The following ATP2B2 variants were observed in gnomAD, a reference collection of about 807,000 sequenced individuals.
ATP2B2 encodes the protein plasma membrane calcium-transporting ATPase 2.
In ATP2B2, 15 loss-of-function variants were observed where a neutral mutation model predicts 120.0. The observed-to-expected ratio is 0.12, with a 90% CI of 0.08 to 0.19. The LOEUF is 0.19. Among genes scored for constraint, ATP2B2 ranks in the 10% least tolerant of loss-of-function variants. The probability of loss-of-function intolerance (pLI) is 1.00; values close to 1 mark genes in which losing one functional copy is unlikely to be tolerated. For missense variants in ATP2B2, 1,045 were observed against 1,719.8 expected (o/e 0.61, Z 6.94); for synonymous variants, 694 against 700.3 (o/e 0.99, Z 0.14).
rs1174791624 is a variant in ATP2B2 at position 10,328,588 on chromosome 3, C to A, written c.*226G>T. 1.7e-6 allele frequency: 1 copy of A among 581,280 alleles called. No individual in the cohort carries two copies. The highest frequency in any genetic ancestry group is 1.9e-5 in the African/African-American group (1 of 53,274). 36.0% of individuals were successfully genotyped at this position (581,280 alleles called of 1,614,324 possible). On this transcript the variant is annotated 3_prime_UTR_variant, in exon 23 of 23. Transcript: ENST00000360273. ...GGAAAACCGCTCACTCCCGTAAGCC[C>A]CCAGTGGAGATCCCGCCCCTTGCCT...
intron 2 of ATP2B2, among the ~76,000 whole-genome samples, chr3:10,595,148 A>G (rs2068736348): frequency 6.6e-6 from 1 of 152,220 alleles, no homozygotes; most frequent in South Asian, 2.1e-4. Context: ...AGATTCTCAT[A>G]GGCCCACACT....
chr3:10,508,877 C>T (rs998085412), upstream of ATP2B2, among the ~76,000 whole-genome samples: 2 of 152,262 alleles, frequency 1.3e-5, no homozygotes, highest in South Asian at 4.2e-4. Context: ...ATAGCTTCTG[C>T]CTCCAGCATG....
At chr3:10,381,653 A>G (rs1186472815) in intron 8 of ATP2B2, among the ~76,000 whole-genome samples, 1 of 152,178 alleles carries the variant, frequency 6.6e-6, no homozygotes, top group Admixed American at 6.5e-5. Context: ...CTGGCCCTGA[A>G]CTATGGTGGA....
At chr3:10,530,732 TCC>T (rs2067194197) in intron 3 of ATP2B2, among the ~76,000 whole-genome samples, 1 of 152,182 alleles carries the variant, frequency 6.6e-6, no homozygotes, top group Non-Finnish European at 1.5e-5. Context: ...TACAAAGGGC[TCC>T]CATCCCCCAG....
intron 9 of ATP2B2, 109 bp from the exon 10 acceptor site, chr3:10,378,519 G>T (rs1225201431): frequency 2.1e-6 from 3 of 1,453,492 alleles, no homozygotes; most frequent in African/African-American, 2.8e-5. Flanking sequence ...CCCAGGGTAG[G>T]TGCTGACTGC....
intron 4 of ATP2B2, 141 bp downstream of exon 4, chr3:10,401,950 A>G: frequency 1.4e-6 from 2 of 1,395,394 alleles, no homozygotes; most frequent in Non-Finnish European, 2.0e-6. Flanking sequence ...CTCCTAAAGG[A>G]TCTCAGAAGA....
At chr3:10,473,253 T>C (rs2065080090) in intron 1 of ATP2B2, among the ~76,000 whole-genome samples, 1 of 152,248 alleles carries the variant, frequency 6.6e-6, no homozygotes, top group Non-Finnish European at 1.5e-5. Context: ...CACTCCACAG[T>C]CATTTAATGA....
intron 1 of ATP2B2, among the ~76,000 whole-genome samples, chr3:10,491,951 A>T (rs2065948840): frequency 6.6e-6 from 1 of 152,228 alleles, no homozygotes; most frequent in Admixed American, 6.5e-5. Flanking sequence ...CGGGGAAAAA[A>T]GTGCATCCCA....
intron 2 of ATP2B2, among the ~76,000 whole-genome samples, chr3:10,607,838 C>T (rs2069127372): frequency 6.6e-6 from 1 of 152,172 alleles, no homozygotes; most frequent in South Asian, 2.1e-4. Flanking sequence ...CTCAGCATCA[C>T]CAGGGTTTAC....
At chr3:10,673,608 T>C (rs1463495224) in intron 1 of ATP2B2, among the ~76,000 whole-genome samples, 1 of 151,716 alleles carries the variant, frequency 6.6e-6, no homozygotes, top group Non-Finnish European at 1.5e-5. Flanking sequence ...GAGACAAGCC[T>C]GGGCAACATA....
At chr3:10,384,217 C>T (rs1051625222) in intron 8 of ATP2B2, among the ~76,000 whole-genome samples, 7 of 152,064 alleles carry the variant, frequency 4.6e-5, no homozygotes, top group Non-Finnish European at 7.4e-5. Context: ...TGGGAGGCTG[C>T]GGGGAACAAG....
intron 9 of ATP2B2, 52 bp downstream of exon 9, chr3:10,379,191 G>C (rs4684686): frequency 6.3e-7 from 1 of 1,584,654 alleles, no homozygotes; most frequent in Non-Finnish European, 8.6e-7. Flanking sequence ...TGTCAGAGCC[G>C]GTGGGGAGGG....
rs2059835719 is a variant in ATP2B2 at position 10,324,961 on chromosome 3, AAC to A, written c.*3851_*3852del. 1 of 152,204 alleles carries A rather than the reference AAC, an allele frequency of 6.6e-6. No homozygotes were observed. Among genetic ancestry groups the A allele is most frequent in the Non-Finnish European group, 1.5e-5 (1 of 68,046 alleles). The allele number at this position is 152,204 out of a possible 1,614,324, so 9.4% of individuals were successfully genotyped here. ...CAGGGACAGATGGCGGGTCCACCCC[AAC>A]ACAACCAAGGTGGGTGACTTTGGTT... On this transcript the variant is annotated 3_prime_UTR_variant, in exon 23 of 23. Coordinates refer to ENST00000360273, the MANE Select transcript of ATP2B2 (RefSeq NM_001001331.4).
intron 19 of ATP2B2, among the ~76,000 whole-genome samples, chr3:10,341,728 G>A (rs996759625): frequency 1.8e-4 from 27 of 152,208 alleles, no homozygotes; most frequent in Non-Finnish European, 3.2e-4. Flanking sequence ...GGTCAAGCCA[G>A]CAAGCCGACC....
At chr3:10,616,207 G>C (rs561757390) in intron 2 of ATP2B2, among the ~76,000 whole-genome samples, 3 of 152,184 alleles carry the variant, frequency 2.0e-5, no homozygotes, top group Admixed American at 2.0e-4. Flanking sequence ...CTTCAGAATG[G>C]GACTATATTT....
At chr3:10,540,675 C>T (rs1340230961) in intron 2 of ATP2B2, among the ~76,000 whole-genome samples, 3 of 132,106 alleles carry the variant, frequency 2.3e-5, no homozygotes, top group Non-Finnish European at 3.0e-5. Context: ...ACAATGAGAA[C>T]ACTTGGGCAC....
intron 1 of ATP2B2, among the ~76,000 whole-genome samples, chr3:10,702,437 T>A (rs1051742455): frequency 1.3e-5 from 2 of 152,182 alleles, no homozygotes; most frequent in Non-Finnish European, 2.9e-5. Context: ...GGATCGCTTT[T>A]ATAGATGAGG....
chr3:10,336,240 A>T, intron 22 of ATP2B2: 1 of 1,550,598 alleles, frequency 6.4e-7, no homozygotes, highest in Non-Finnish European at 8.7e-7. Context: ...GTGACCGAGG[A>T]CTGTCTCCGC....
chr3:10,578,654 C>T (rs1420712138), intron 2 of ATP2B2, among the ~76,000 whole-genome samples: 1 of 151,966 alleles, frequency 6.6e-6, no homozygotes, highest in African/African-American at 2.4e-5. Flanking sequence ...CTGGAAACAA[C>T]CCAAATGCCC....
Sources: allele counts gnomAD v4.1 joint callset (sites outside exome capture counted in the v4.1 genomes callset), GRCh38; gene constraint gnomAD v4.1.1; transcripts MANE v1.5; gene names NCBI Gene and HGNC (gene_info 2026-07-23, HGNC 2026-07-21).